PNPLA1: variants seen among roughly 807,000 people sequenced by gnomAD.
The protein encoded by PNPLA1 is patatin like domain 1, omega-hydroxyceramide transacylase.
A neutral mutation model predicts 51.7 loss-of-function variants in PNPLA1; 36 were observed. The ratio of observed to expected loss-of-function variants is 0.70; its 90% CI spans 0.53 to 0.92. The LOEUF (loss-of-function observed/expected upper bound fraction) is 0.92, where lower values mean the gene tolerates loss of function less well. Among genes scored for constraint, PNPLA1 ranks in the 40% least tolerant of loss-of-function variants. PNPLA1 has a pLI of 0.00. For missense variants in PNPLA1, 658 were observed against 682.5 expected (o/e 0.96, Z 0.40); for synonymous variants, 293 against 280.1 (o/e 1.05, Z -0.46).
chr6:36,275,948 TTTTCTTTCTTTC>T (rs547037174), intron 1 of PNPLA1, among the ~76,000 whole-genome samples: 10 of 141,184 alleles, frequency 7.1e-5, no homozygotes, highest in Non-Finnish European at 1.2e-4. Flanking sequence ...ACCTATGGCA[TTTTCTTTCTTTC>T]TTTCTTTCTT....
chr6:36,259,563 C>T (rs4713943), intron 1 of PNPLA1, among the ~76,000 whole-genome samples: 64,812 of 151,590 alleles, frequency 0.43, 14,243 homozygotes, highest in East Asian at 0.71. Context: ...CTATCAGTTT[C>T]AAGATCCAAC....
At chr6:36,306,927 A>G (rs939774024) in intron 7 of PNPLA1, among the ~76,000 whole-genome samples, 1 of 152,188 alleles carries the variant, frequency 6.6e-6, no homozygotes, top group African/African-American at 2.4e-5. Context: ...TGCAATAACT[A>G]TGAGAGGACC....
intron 6 of PNPLA1, among the ~76,000 whole-genome samples, chr6:36,305,768 C>CTTTTTTTTTTT (rs72063246): frequency 2.1e-5 from 2 of 96,576 alleles, no homozygotes; most frequent in African/African-American, 8.1e-5. Flanking sequence ...TTACTTTTCT[C>CTTTTTTTTTTT]TTTTTTTTTT....
intron 5 of PNPLA1, among the ~76,000 whole-genome samples, chr6:36,297,097 C>T (rs1770880591): frequency 6.6e-6 from 1 of 152,134 alleles, no homozygotes; most frequent in South Asian, 2.1e-4. Flanking sequence ...CTGATGGTGG[C>T]ACTTCAGGAA....
At chr6:36,245,928 C>A (rs1219745174) in intron 1 of PNPLA1, among the ~76,000 whole-genome samples, 1 of 152,230 alleles carries the variant, frequency 6.6e-6, no homozygotes, top group East Asian at 1.9e-4. Context: ...CAGGGAGGGA[C>A]CTGCTTTTCA....
chr6:36,247,985 G>A (rs1027729222), intron 1 of PNPLA1, among the ~76,000 whole-genome samples: 2 of 152,144 alleles, frequency 1.3e-5, no homozygotes, highest in African/African-American at 4.8e-5. Flanking sequence ...GAGAACAGAA[G>A]GACACATGGG....
At chr6:36,286,384 G>C (rs1463623495) in intron 1 of PNPLA1, among the ~76,000 whole-genome samples, 1 of 152,130 alleles carries the variant, frequency 6.6e-6, no homozygotes, top group East Asian at 1.9e-4. Context: ...TTGGGAGGCT[G>C]AGATGGGAGG....
chr6:36,297,640 C>T (rs534486277), intron 5 of PNPLA1, among the ~76,000 whole-genome samples: 158 of 152,352 alleles, frequency 1.0e-3, no homozygotes, highest in African/African-American at 3.6e-3. Flanking sequence ...ATCCTTGCAG[C>T]GGCCTTCTGC....
intron 1 of PNPLA1, among the ~76,000 whole-genome samples, chr6:36,252,947 A>G (rs747287300): frequency 1.3e-5 from 2 of 152,150 alleles, no homozygotes; most frequent in African/African-American, 2.4e-5. Flanking sequence ...TTTGGCGGCC[A>G]AGGCTGGCGG....
intron 1 of PNPLA1, among the ~76,000 whole-genome samples, chr6:36,282,036 AGAAAGAAG>A (rs1210675799): frequency 7.1e-5 from 9 of 126,300 alleles, no homozygotes; most frequent in African/African-American, 2.8e-4. Context: ...AGAGAAAGAA[AGAAAGAAG>A]GAAAGAAAGA....
chr6:36,270,574 G>GC lies in PNPLA1; in HGVS notation c.121dup (p.Arg41ProfsTer27). ...GGCTGTGGACGCCCTGCGGGACCTG[G>GC]CCCCCCGGATGCTGGAAACAGCCCA... On this transcript the variant is annotated frameshift_variant, in exon 1 of 9. Coordinates refer to ENST00000636260, the MANE Select transcript of PNPLA1 (RefSeq NM_001374623.1). LOFTEE classifies it high-confidence loss of function. 6 of 1,551,614 alleles carry GC rather than the reference G, an allele frequency of 3.9e-6. No homozygotes were observed. The highest frequency in any genetic ancestry group is 1.7e-4 in the Middle Eastern group (1 of 5,986).
chr6:36,287,624 C>T (rs1190359743), intron 1 of PNPLA1, among the ~76,000 whole-genome samples: 2 of 152,126 alleles, frequency 1.3e-5, no homozygotes, highest in African/African-American at 4.8e-5. Context: ...GTGCTTAACA[C>T]TTAACTTTCT....
At chr6:36,303,471 GTTCTCAA>G in intron 6 of PNPLA1, among the ~76,000 whole-genome samples, 1 of 152,134 alleles carries the variant, frequency 6.6e-6, no homozygotes, top group East Asian at 1.9e-4. Flanking sequence ...AAGATAAAAC[GTTCTCAA>G]TTCCTTACTC....
At chr6:36,297,865 TACACAC>T (rs112771131) in intron 5 of PNPLA1, among the ~76,000 whole-genome samples, 8 of 133,740 alleles carry the variant, frequency 6.0e-5, no homozygotes, top group Admixed American at 1.6e-4. Context: ...TGTCTCTCTG[TACACAC>T]ACACACACAC....
chr6:36,291,218 T>G, intron 1 of PNPLA1, 102 bp from the exon 2 acceptor site: 3 of 809,530 alleles, frequency 3.7e-6, no homozygotes, highest in Non-Finnish European at 5.9e-6. Flanking sequence ...GTTTCCCCAT[T>G]TGTTGGATTC....
At chr6:36,309,774 G>A (rs7738417) in intron 8 of PNPLA1, among the ~76,000 whole-genome samples, 44,667 of 151,992 alleles carry the variant, frequency 0.29, 6,728 homozygotes, top group African/African-American at 0.31. Context: ...TTTACCAATC[G>A]ATGGTCTTAA....
At chr6:36,291,630 C>A in intron 2 of PNPLA1, 78 bp downstream of exon 2, 1 of 1,231,534 alleles carries the variant, frequency 8.1e-7, no homozygotes, top group Non-Finnish European at 1.1e-6. Flanking sequence ...CACAGCTCAA[C>A]CCGATGCCTT....
At chr6:36,246,975 G>A (rs1036276343) in intron 1 of PNPLA1, among the ~76,000 whole-genome samples, 10 of 152,114 alleles carry the variant, frequency 6.6e-5, no homozygotes, top group Non-Finnish European at 1.2e-4. Context: ...CACTCCCTGC[G>A]GATTTTAGGA....
At chr6:36,307,492 C>A (rs4437463) in intron 7 of PNPLA1, 95 bp from the exon 8 acceptor site, 2 of 1,445,060 alleles carry the variant, frequency 1.4e-6, no homozygotes, top group Non-Finnish European at 1.9e-6. Flanking sequence ...AGAACCACAG[C>A]GCGGGTGTGT....
Sources: gnomAD v4.1 joint callset for allele counts (sites outside exome capture counted in the v4.1 genomes callset) on GRCh38, gnomAD v4.1.1 for gene constraint, MANE v1.5 for transcripts, NCBI Gene and HGNC (gene_info 2026-07-23, HGNC 2026-07-21) for gene names.